CCNA2: variants seen among roughly 807,000 people sequenced by gnomAD.
CCNA2 encodes cyclin-A2.
A neutral mutation model predicts 49.4 loss-of-function variants in CCNA2; 3 were observed. That is an observed-to-expected ratio of 0.06 (90% confidence interval 0.03 to 0.16). CCNA2 has a LOEUF of 0.16. Among genes scored for constraint, CCNA2 ranks in the 10% least tolerant of loss-of-function variants. The pLI, the probability that CCNA2 is intolerant of heterozygous loss-of-function variation, is 1.00. For missense variants in CCNA2, 372 were observed against 519.7 expected, an observed-to-expected ratio of 0.72 and a Z score of 2.76; for synonymous variants, 206 against 197.2, an observed-to-expected ratio of 1.04 and a Z score of -0.37.
rs988107262 is a variant in CCNA2 at position 121,817,945 on chromosome 4, CAAG to C, written c.1250+96_1250+98del. ...ATAACCAATTTAGAGAACAGCTTCT[CAAG>C]GAGGCTATGGCAGATTCATGAATAA... On this transcript the variant is annotated intron_variant, in intron 7 of 7. Coordinates refer to ENST00000274026, the MANE Select transcript of CCNA2 (RefSeq NM_001237.5). The C allele has an allele frequency of 8.1e-6, 10 of 1,234,116 alleles. No homozygotes were observed. The East Asian group carries it at 1.2e-4, about 14-fold the overall frequency. The allele number at this position is 1,234,116 out of a possible 1,614,324, so 76.4% of individuals were successfully genotyped here.
chr4:121,823,587 C>A lies in CCNA2; in HGVS notation c.42G>T (p.Ala14=). ...NSAPGPATRE[A]GSALLALQQT... is the part of the protein sequence containing the mutation. ...GCTGCAATGCTAGCAGCGCCGAGCC[C>A]GCCTCGCGGGTCGCAGGCCCCGGCG... Residue 14 remains alanine, a synonymous_variant, in exon 1 of 8, where the codon GCG becomes GCT. Coordinates refer to ENST00000274026, the MANE Select transcript of CCNA2 (RefSeq NM_001237.5). 6.2e-7 allele frequency: 1 copy of A among 1,606,282 alleles called. No homozygotes were observed. Among genetic ancestry groups the A allele is most frequent in the Non-Finnish European group, 8.5e-7 (1 of 1,178,052 alleles).
At chr4:121,818,935 GATCAC>G (rs776494631) in intron 5 of CCNA2, 22 bp from the exon 6 acceptor site, 1 of 1,430,112 alleles carries the variant, frequency 7.0e-7, no homozygotes, top group South Asian at 1.1e-5. Context: ...AATACTTTAT[GATCAC>G]AAGAGCGTTT....
Position 121,821,037 on chromosome 4 carries a change from C to T in CCNA2, c.512G>A (p.Ser171Asn), listed in dbSNP as rs142481279. 5.6e-5 allele frequency: 91 copies of T among 1,613,138 alleles called. No homozygotes were observed. Among genetic ancestry groups the T allele is most frequent in the Non-Finnish European group, 6.9e-5 (81 of 1,179,386 alleles). Residue 171 changes from serine (S) to asparagine (N), a missense_variant, in exon 3 of 8, where the codon AGT (serine) becomes AAT (asparagine). Ser to Asn is a conservative substitution (Grantham distance 46). Around this residue, in one of 2 missense-constraint regions of CCNA2, gnomAD observed 217 missense variants for 231.7 expected, o/e 0.94. Transcript: ENST00000274026. ...SIILEDEKPVSVNEVPDYHED... is the reference protein window; with the variant it reads ...SIILEDEKPVNVNEVPDYHED... Reference sequence around the variant, plus strand: ...ATGGTAGTCTGGTACTTCATTAACACTCACTGGCTTTTCATCTTCTAATAT... The same window carrying T: ...ATGGTAGTCTGGTACTTCATTAACATTCACTGGCTTTTCATCTTCTAATAT...
rs1724763061 is a variant in CCNA2, at chr4:121,823,654, G to A, written c.-26C>T. 4 of 1,545,278 alleles carry A rather than the reference G, an allele frequency of 2.6e-6. No homozygotes were observed. The highest frequency in any genetic ancestry group is 2.3e-5 in the East Asian group (1 of 42,632). On this transcript the variant is annotated 5_prime_UTR_variant, in exon 1 of 8. Coordinates refer to ENST00000274026, the MANE Select transcript of CCNA2 (RefSeq NM_001237.5). Reference sequence around the variant, plus strand: ...CACTGCTCCCGGGAGTGGACGGCGGGATCAGCCTGCGGCGCCAAGCAGCGT... The same window carrying A: ...CACTGCTCCCGGGAGTGGACGGCGGAATCAGCCTGCGGCGCCAAGCAGCGT...
At chr4:121,819,117 T>A (rs1164185238) in intron 5 of CCNA2, among the ~76,000 whole-genome samples, 4 of 152,180 alleles carry the variant, frequency 2.6e-5, no homozygotes, top group Non-Finnish European at 5.9e-5. Flanking sequence ...CTTTATTAAC[T>A]TTTAAAAAAC....
At position 121,816,828 on chromosome 4, in the gene CCNA2, G is replaced by T. The variant is rs747298248; in HGVS notation, c.*810C>A. The T allele has an allele frequency of 1.0e-5, 16 of 1,594,428 alleles. No homozygotes were observed. In the South Asian group the frequency reaches 1.8e-4, roughly 18 times the overall value. The stretch of plus-strand genomic sequence containing the variant: ...GCACCAAGTAAAAAGCCAGTGAAAA[G>T]AAGAAAAAAGAAGAGAGCTGCCAAT... On this transcript the variant is annotated 3_prime_UTR_variant, in exon 8 of 8. Coordinates refer to ENST00000274026, the MANE Select transcript of CCNA2 (RefSeq NM_001237.5).
chr4:121,818,936 A>G, intron 5 of CCNA2, 23 bp from the exon 6 acceptor site: 1 of 1,432,396 alleles, frequency 7.0e-7, no homozygotes, highest in Non-Finnish European at 9.9e-7. Context: ...ATACTTTATG[A>G]TCACAAGAGC....
intron 1 of CCNA2, among the ~76,000 whole-genome samples, chr4:121,823,206 G>T (rs571696362): frequency 2.0e-5 from 3 of 152,172 alleles, no homozygotes; most frequent in Middle Eastern, 3.4e-3. Context: ...AGAGCAGACC[G>T]GCAGCATACA....
chr4:121,823,213 T>C (rs1724737716), intron 1 of CCNA2, among the ~76,000 whole-genome samples: 1 of 152,092 alleles, frequency 6.6e-6, no homozygotes, highest in Admixed American at 6.5e-5. Flanking sequence ...ACCGGCAGCA[T>C]ACACACAGTG....
chr4:121,818,248 C>T (rs1281663031), intron 6 of CCNA2, 71 bp from the exon 7 acceptor site: 23 of 1,367,308 alleles, frequency 1.7e-5, no homozygotes, highest in Non-Finnish European at 2.2e-5. Flanking sequence ...AAATAGTTGG[C>T]ATTAAGCTTA....
At chr4:121,817,848 C>T (rs574967604) in intron 7 of CCNA2, among the ~76,000 whole-genome samples, 162 bp from the exon 8 acceptor site, 1 of 152,214 alleles carries the variant, frequency 6.6e-6, no homozygotes, top group Non-Finnish European at 1.5e-5. Flanking sequence ...AACACACATG[C>T]ATGCCCCCTT....
rs1007408962 is a variant in CCNA2, at chr4:121,817,449, T to C, written c.*189A>G. On this transcript the variant is annotated 3_prime_UTR_variant, in exon 8 of 8. Coordinates refer to ENST00000274026, the MANE Select transcript of CCNA2 (RefSeq NM_001237.5). The stretch of plus-strand genomic sequence containing the variant: ...AAAACCACTTAAAATTAGCCAAATA[T>C]CTAAGACAGATACATATACAAAAGA... The C allele has an allele frequency of 4.5e-5, 27 of 594,584 alleles. No individual in the cohort carries two copies. Among genetic ancestry groups the C allele is most frequent in the Non-Finnish European group, 6.1e-5 (22 of 361,402 alleles). 36.8% of individuals were successfully genotyped at this position (594,584 alleles called of 1,614,324 possible). A position where few individuals can be genotyped will look rare whatever the true frequency, so the allele number is the denominator to read the frequency against.
intron 5 of CCNA2, 112 bp downstream of exon 5, chr4:121,819,260 A>G: frequency 1.3e-6 from 1 of 748,670 alleles, no homozygotes; most frequent in Non-Finnish European, 2.2e-6. Flanking sequence ...CTGAATACTA[A>G]ATCTCTTCAC....
At chr4:121,818,636 C>G (rs1245618435) in intron 6 of CCNA2, among the ~76,000 whole-genome samples, 164 bp downstream of exon 6, 2 of 152,182 alleles carry the variant, frequency 1.3e-5, no homozygotes, top group Non-Finnish European at 2.9e-5. Flanking sequence ...TGTAAGTGGA[C>G]TCACACAGTT....
chr4:121,820,765 C>A lies in CCNA2; in HGVS notation c.571G>T (p.Val191Phe). ...DIHTYLREME[V>F]KCKPKVGYMK... ...TAACCCACTTTAGGTTTACATTTAACCTATTGAGAAAATTATTTATAGTGT... is the reference window on the plus strand; with the variant it reads ...TAACCCACTTTAGGTTTACATTTAAACTATTGAGAAAATTATTTATAGTGT... The change falls in exon 4 of 8, where the codon GTT (valine) becomes TTT (phenylalanine). Residue 191 changes from valine to phenylalanine, a missense_variant and splice_region_variant. Transcript: ENST00000274026. This position sits in a 1 kb window ranked among gnomAD's most constrained non-coding sequence, Gnocchi z 4.1. 1 of 1,585,196 alleles carries A rather than the reference C, an allele frequency of 6.3e-7. No homozygotes were observed. Among genetic ancestry groups the A allele is most frequent in the Non-Finnish European group, 8.6e-7 (1 of 1,159,846 alleles).
chr4:121,819,939 CTTTTTTT>C (rs796750946), intron 4 of CCNA2, among the ~76,000 whole-genome samples: 3 of 135,130 alleles, frequency 2.2e-5, no homozygotes. Flanking sequence ...GTTTTTCTTT[CTTTTTTT>C]TTTTTTTTTT....
In CCNA2 at chr4:121,822,531, G is replaced by A. The variant is rs576061494; in HGVS notation, c.329C>T (p.Ala110Val). The A allele has an allele frequency of 6.2e-7, 1 of 1,614,098 alleles. No homozygotes were observed. The highest frequency in any genetic ancestry group is 1.7e-5 in the Admixed American group (1 of 60,010). ...TIHVDEAEKE[A>V]QKKPAESQKI... ...TTGAGATTCAGCTGGCTTCTTCTGA[G>A]CTTCTTTTTCTGCTTCATCCACATG... is the stretch of plus-strand genomic sequence containing the variant. The change falls in exon 2 of 8, where the codon GCT becomes GTT. Residue 110 changes from alanine to valine, a missense_variant. By Grantham distance (64) the Ala-to-Val change is moderately conservative. Transcript: ENST00000274026.
rs1724711785 is a variant in CCNA2 at position 121,822,473 on chromosome 4, A to G, written c.387T>C (p.Asn129=). 4.3e-6 allele frequency: 7 copies of G among 1,614,170 alleles called. No individual in the cohort carries two copies. Among genetic ancestry groups the G allele is most frequent in the Non-Finnish European group, 5.9e-6 (7 of 1,180,000 alleles). The change falls in exon 2 of 8, where the codon AAT becomes AAC. Residue 129 remains asparagine, a synonymous_variant. Coordinates refer to ENST00000274026, the MANE Select transcript of CCNA2 (RefSeq NM_001237.5). ...KIEREDALAF[N]SAISLPGPRK... ...TGGGTCCAGGTAAACTAATGGCTGA[A>G]TTAAAAGCCAGGGCATCTTCACGCT...
At position 121,817,629 on chromosome 4, in the gene CCNA2, C is replaced by T; in HGVS notation, c.*9G>A. On this transcript the variant is annotated 3_prime_UTR_variant, in exon 8 of 8. Transcript: ENST00000274026. ...TTACATCTTAGAAAACAAAGGCAGT[C>T]TTTCATTGTTACAGATTTAGTGTCT... 1 of 1,613,600 alleles carries T rather than the reference C, an allele frequency of 6.2e-7. No individual in the cohort carries two copies. Among genetic ancestry groups the T allele is most frequent in the Non-Finnish European group, 8.5e-7 (1 of 1,179,818 alleles).
Sources: gnomAD v4.1 joint callset for allele counts (sites outside exome capture counted in the v4.1 genomes callset) on GRCh38, gnomAD v4.1.1 for gene constraint, gnomAD v4.1.1 regional missense constraint, Gnocchi (gnomAD v3.1) non-coding constraint, MANE v1.5 for transcripts, NCBI Gene and HGNC (gene_info 2026-07-23, HGNC 2026-07-21) for gene names.